GRM1: variants seen among roughly 807,000 people sequenced by gnomAD.
GRM1 encodes the protein metabotropic glutamate receptor 1.
GRM1 carries 33 observed loss-of-function variants against 90.9 expected under a neutral mutation model. The ratio of observed to expected loss-of-function variants is 0.36; its 90% confidence interval spans 0.28 to 0.49. GRM1 has a LOEUF of 0.49. Among genes scored for constraint, GRM1 ranks in the 20% least tolerant of loss-of-function variants. The pLI is 0.99. For missense variants in GRM1, 1,190 were observed against 1,534.3 expected (o/e 0.78, Z 3.75); for synonymous variants, 700 against 613.2 (o/e 1.14, Z -2.09).
intron 2 of GRM1, among the ~76,000 whole-genome samples, chr6:146,229,857 A>G (rs1414519236): frequency 6.6e-6 from 1 of 152,164 alleles, no homozygotes; most frequent in Non-Finnish European, 1.5e-5. Flanking sequence ...ACAGACCTAT[A>G]AGATTGGCAC....
chr6:146,221,074 G>A, intron 2 of GRM1, among the ~76,000 whole-genome samples: 1 of 152,024 alleles, frequency 6.6e-6, no homozygotes, highest in East Asian at 1.9e-4. Context: ...ACTTGCTGAT[G>A]GCATTTACGC....
chr6:146,276,132 CAT>C (rs1782353034), intron 2 of GRM1, among the ~76,000 whole-genome samples: 1 of 152,114 alleles, frequency 6.6e-6, no homozygotes, highest in Non-Finnish European at 1.5e-5. Flanking sequence ...GTAACACAGT[CAT>C]GTTATTGGCC....
At chr6:146,182,760 A>G (rs1215828678) in intron 2 of GRM1, among the ~76,000 whole-genome samples, 1 of 152,124 alleles carries the variant, frequency 6.6e-6, no homozygotes, top group Non-Finnish European at 1.5e-5. Context: ...AACAAGACAT[A>G]CATACTGGGG....
intron 1 of GRM1, among the ~76,000 whole-genome samples, chr6:146,094,071 T>G (rs1384528386): frequency 6.6e-6 from 1 of 152,128 alleles, no homozygotes; most frequent in African/African-American, 2.4e-5. Context: ...CTAAGTATTT[T>G]CTGATAATAA....
At chr6:146,076,225 A>G (rs1417545071) in intron 1 of GRM1, among the ~76,000 whole-genome samples, 2 of 152,208 alleles carry the variant, frequency 1.3e-5, no homozygotes, top group Admixed American at 6.6e-5. Context: ...GAGAAGAACC[A>G]GGAGACAGCC....
intron 1 of GRM1, among the ~76,000 whole-genome samples, chr6:146,091,942 A>G (rs892993134): frequency 5.3e-5 from 8 of 152,074 alleles, no homozygotes; most frequent in African/African-American, 1.9e-4. Context: ...GACTGTTGAG[A>G]TTCCATGCTG....
At chr6:146,416,910 C>T (rs1229996553) in intron 7 of GRM1, among the ~76,000 whole-genome samples, 2 of 152,232 alleles carry the variant, frequency 1.3e-5, no homozygotes, top group Non-Finnish European at 2.9e-5. Context: ...CCTTGTGTAG[C>T]CTAAAATGTG....
intron 1 of GRM1, among the ~76,000 whole-genome samples, chr6:146,061,404 C>T (rs1266282749): frequency 6.6e-6 from 1 of 151,978 alleles, no homozygotes; most frequent in East Asian, 1.9e-4. Context: ...TATTGTGCAT[C>T]ACAGATATTG....
chr6:146,184,046 A>T (rs993426297), intron 2 of GRM1, among the ~76,000 whole-genome samples: 3 of 152,184 alleles, frequency 2.0e-5, no homozygotes, highest in Non-Finnish European at 4.4e-5. Context: ...GACCTGGAAC[A>T]CTGCTGGATT....
In GRM1 at chr6:146,120,879, G is replaced by T. The variant is rs533101795; in HGVS notation, c.701-38469G>T. On this transcript the variant is annotated intron_variant, in intron 1 of 7. Coordinates refer to ENST00000282753, the MANE Select transcript of GRM1 (RefSeq NM_001278064.2). ...GATTTTTGCATCGATGTTCATCAGA[G>T]ATATTGGTCTAAAATTCTCTTTTTT... is the stretch of plus-strand genomic sequence containing the variant. Among the ~76,000 whole-genome samples the T allele has an allele frequency of 1.4e-4, 21 of 152,288 alleles. No individual in the cohort carries two copies. The East Asian group carries it at 3.9e-3, about 28-fold the overall frequency.
At chr6:146,288,200 G>T (rs1782834991) in intron 2 of GRM1, among the ~76,000 whole-genome samples, 1 of 152,172 alleles carries the variant, frequency 6.6e-6, no homozygotes. Context: ...TCTGGAGGGT[G>T]TGAGGAGCCT....
chr6:146,390,738 TAAAAACTGGG>T (rs1776684345), intron 6 of GRM1, among the ~76,000 whole-genome samples: 2 of 152,070 alleles, frequency 1.3e-5, no homozygotes, highest in African/African-American at 2.4e-5. Context: ...AGGTACTTTT[TAAAAACTGGG>T]AATATACAGG....
At chr6:146,356,187 G>A (rs1785576133) in intron 4 of GRM1, among the ~76,000 whole-genome samples, 1 of 152,198 alleles carries the variant, frequency 6.6e-6, no homozygotes, top group South Asian at 2.1e-4. Context: ...GGCATTAATA[G>A]TAATAGAAAT....
At chr6:146,173,312 C>T (rs1447888980) in intron 2 of GRM1, among the ~76,000 whole-genome samples, 1 of 151,286 alleles carries the variant, frequency 6.6e-6, no homozygotes, top group Non-Finnish European at 1.5e-5. Flanking sequence ...ATCACTTGAA[C>T]CCGGAAGGCA....
intron 6 of GRM1, 34 bp downstream of exon 6, chr6:146,387,050 C>T: frequency 6.2e-7 from 1 of 1,606,100 alleles, no homozygotes. Context: ...CCTTGTGCCT[C>T]ACTATTTGCC....
chr6:146,167,406 G>A (rs756772090), intron 2 of GRM1, among the ~76,000 whole-genome samples: 17 of 152,048 alleles, frequency 1.1e-4, no homozygotes, highest in Non-Finnish European at 2.2e-4. Flanking sequence ...GAACTATCTA[G>A]GGGTGAGATT....
At chr6:146,167,171 A>G (rs1777939756) in intron 2 of GRM1, among the ~76,000 whole-genome samples, 1 of 152,140 alleles carries the variant, frequency 6.6e-6, no homozygotes, top group Non-Finnish European at 1.5e-5. Flanking sequence ...ATTTCTTTCA[A>G]TTGACAAAAT....
chr6:146,339,085 G>C (rs1024164670), intron 3 of GRM1, among the ~76,000 whole-genome samples: 1 of 152,152 alleles, frequency 6.6e-6, no homozygotes, highest in East Asian at 1.9e-4. Flanking sequence ...CAGCTAAGTA[G>C]GCAATTTTCC....
At chr6:146,058,498 C>A (rs1775557383) in intron 1 of GRM1, among the ~76,000 whole-genome samples, 1 of 152,092 alleles carries the variant, frequency 6.6e-6, no homozygotes, top group Non-Finnish European at 1.5e-5. Context: ...AAATTTTAAT[C>A]TTTTTTGGTG....
Sources: allele counts gnomAD v4.1 joint callset (sites outside exome capture counted in the v4.1 genomes callset), GRCh38; gene constraint gnomAD v4.1.1; transcripts MANE v1.5; gene names NCBI Gene and HGNC (gene_info 2026-07-23, HGNC 2026-07-21).